Variants in GPHN observed in about 807,000 individuals in gnomAD.
GPHN encodes gephyrin.
In GPHN, 17 loss-of-function variants were observed where a neutral mutation model predicts 95.5. The observed-to-expected ratio is 0.18, with a 90% CI of 0.12 to 0.27. The LOEUF is 0.27. Among genes scored for constraint, GPHN ranks in the 10% least tolerant of loss-of-function variants. The pLI, the probability that GPHN is intolerant of heterozygous loss-of-function variation, is 1.00. For missense variants in GPHN, 660 were observed against 978.1 expected (o/e 0.67, Z 4.34); for synonymous variants, 320 against 322.5 (o/e 0.99, Z 0.08).
chr14:67,193,427 A>G, the GPHN span, among the ~76,000 whole-genome samples: 8 of 142,306 alleles, frequency 5.6e-5, no homozygotes, highest in East Asian at 1.3e-3. Context: ...CTATATTTAT[A>G]TCTGTATATC....
At chr14:66,611,352 T>C (rs1193100186) in intron 1 of GPHN, among the ~76,000 whole-genome samples, 1 of 152,138 alleles carries the variant, frequency 6.6e-6, no homozygotes, top group Non-Finnish European at 1.5e-5. Flanking sequence ...CAAAGAAATT[T>C]ATTAGATAAG....
the GPHN span, among the ~76,000 whole-genome samples, chr14:67,644,834 TAAAAA>T: frequency 6.6e-6 from 1 of 151,894 alleles, no homozygotes; most frequent in Admixed American, 6.6e-5. Context: ...CCATCTTTAC[TAAAAA>T]TACAAAAAAT....
At chr14:67,628,166 C>T in the GPHN span, among the ~76,000 whole-genome samples, 1 of 152,080 alleles carries the variant, frequency 6.6e-6, no homozygotes, top group Non-Finnish European at 1.5e-5. Context: ...CTAATAGTGA[C>T]CTATTTCTTT....
chr14:67,148,306 A>C (rs886394243), intron 18 of GPHN, among the ~76,000 whole-genome samples: 2 of 152,256 alleles, frequency 1.3e-5, no homozygotes, highest in African/African-American at 4.8e-5. Context: ...CCAAAGAAAG[A>C]AGCACATCAA....
intron 4 of GPHN, among the ~76,000 whole-genome samples, chr14:66,856,233 T>C (rs2062799701): frequency 6.6e-6 from 1 of 152,156 alleles, no homozygotes; most frequent in African/African-American, 2.4e-5. Context: ...TGTGGGAACA[T>C]GGGTTTGATT....
At chr14:67,228,778 T>C in the GPHN span, among the ~76,000 whole-genome samples, 2 of 152,220 alleles carry the variant, frequency 1.3e-5, no homozygotes, top group Non-Finnish European at 2.9e-5. Context: ...GTTTCTAACA[T>C]TGGAGAATGT....
intron 1 of GPHN, among the ~76,000 whole-genome samples, chr14:66,656,990 G>A (rs974049349): frequency 5.7e-4 from 87 of 152,180 alleles, no homozygotes; most frequent in African/African-American, 2.1e-3. Flanking sequence ...CATGTCACAA[G>A]CCAAAACAGG....
the GPHN span, among the ~76,000 whole-genome samples, chr14:67,411,547 C>T: frequency 6.6e-6 from 1 of 152,040 alleles, no homozygotes; most frequent in Non-Finnish European, 1.5e-5. Context: ...CTCTGGGCTT[C>T]GTTTTCCCCC....
intron 1 of GPHN, among the ~76,000 whole-genome samples, chr14:66,677,698 C>A (rs112426776): frequency 0.31 from 46,955 of 151,620 alleles, 11,010 homozygotes; most frequent in African/African-American, 0.63. Context: ...TGTGGCCTAA[C>A]ATGTGGTCTG....
the GPHN span, among the ~76,000 whole-genome samples, chr14:67,590,683 C>A: frequency 6.6e-6 from 1 of 152,146 alleles, no homozygotes; most frequent in Admixed American, 6.6e-5. Context: ...ATCTCTCACC[C>A]ACATCAAGGG....
chr14:67,497,882 G>C, the GPHN span, among the ~76,000 whole-genome samples: 2 of 151,942 alleles, frequency 1.3e-5, no homozygotes, highest in Non-Finnish European at 2.9e-5. Flanking sequence ...TCAAGCATCT[G>C]ACTGCATCCT....
chr14:67,727,238 T>C, the GPHN span: 8 of 1,485,246 alleles, frequency 5.4e-6, no homozygotes, highest in Non-Finnish European at 7.4e-6. Context: ...CAGACCAAAT[T>C]AGAGGTCCAC....
the GPHN span, among the ~76,000 whole-genome samples, chr14:67,421,412 G>A: frequency 1.7e-4 from 26 of 152,296 alleles, no homozygotes; most frequent in African/African-American, 6.3e-4. Context: ...AGGGGAGGAA[G>A]TTGAGCCCCA....
chr14:67,114,708 A>G (rs1220548023), intron 16 of GPHN, among the ~76,000 whole-genome samples: 2 of 152,152 alleles, frequency 1.3e-5, no homozygotes, highest in Non-Finnish European at 2.9e-5. Flanking sequence ...GTAAAATAAG[A>G]ATTAACACAC....
the GPHN span, among the ~76,000 whole-genome samples, chr14:67,236,051 TTAAC>T: frequency 6.6e-6 from 1 of 152,234 alleles, no homozygotes; most frequent in Non-Finnish European, 1.5e-5. Flanking sequence ...ATCAAGCTAA[TTAAC>T]ATTACCTCGC....
At chr14:66,703,207 A>T (rs1000147709) in intron 2 of GPHN, among the ~76,000 whole-genome samples, 1 of 152,220 alleles carries the variant, frequency 6.6e-6, no homozygotes, top group Non-Finnish European at 1.5e-5. Flanking sequence ...GAACAGAAAG[A>T]AGCTGGAAAA....
At chr14:67,300,173 C>T in the GPHN span, among the ~76,000 whole-genome samples, 1 of 152,074 alleles carries the variant, frequency 6.6e-6, no homozygotes, top group African/African-American at 2.4e-5. Context: ...AACCTGAGGA[C>T]AGACTGGTTT....
At chr14:66,602,374 T>G (rs1445890646) in intron 1 of GPHN, among the ~76,000 whole-genome samples, 3 of 152,006 alleles carry the variant, frequency 2.0e-5, no homozygotes, top group Non-Finnish European at 4.4e-5. Flanking sequence ...ATTGTTAGTT[T>G]TGTTTTTATT....
At chr14:66,818,362 C>T (rs2061061022) in intron 3 of GPHN, among the ~76,000 whole-genome samples, 1 of 152,150 alleles carries the variant, frequency 6.6e-6, no homozygotes, top group Admixed American at 6.6e-5. Flanking sequence ...ATTTGGCTTT[C>T]TGTTCCTGCA....
Sources: allele counts gnomAD v4.1 joint callset (sites outside exome capture counted in the v4.1 genomes callset), GRCh38; gene constraint gnomAD v4.1.1; transcripts MANE v1.5; gene names NCBI Gene and HGNC (gene_info 2026-07-23, HGNC 2026-07-21).